Variants in ARL6IP5 observed in about 807,000 individuals in gnomAD.
ARL6IP5 encodes the protein ARF like GTPase 6 interacting protein 5.
A neutral mutation model predicts 13.0 loss-of-function variants in ARL6IP5; 6 were observed. The observed-to-expected ratio is 0.46, with a 90% CI of 0.25 to 0.91. The LOEUF is 0.91. Ranked by LOEUF, ARL6IP5 falls within the 40% of genes least tolerant of loss-of-function variation. The pLI is 0.17. For missense variants in ARL6IP5, 208 were observed against 248.8 expected, an observed-to-expected ratio of 0.84 and a Z score of 1.10; for synonymous variants, 91 against 91.9, an observed-to-expected ratio of 0.99 and a Z score of 0.06.
intron 1 of ARL6IP5, among the ~76,000 whole-genome samples, chr3:69,097,993 A>C (rs906090454): frequency 6.6e-6 from 1 of 152,160 alleles, no homozygotes; most frequent in Non-Finnish European, 1.5e-5. Flanking sequence ...GTTGGAGAGC[A>C]GCTGCTTTTA....
At position 69,102,037 on chromosome 3, in the gene ARL6IP5, C is replaced by T. The variant is rs147395046; in HGVS notation, c.375C>T (p.Gly125=). ...MFGGVMVFVF[G]ITFPLLLMFI... ...GAGGAGTCATGGTCTTTGTGTTTGG[C>T]ATTACTTTTCCTTTGCTGTGTAAGT... Residue 125 remains glycine (G), a synonymous_variant, in exon 2 of 3, where the codon GGC becomes GGT. Transcript: ENST00000273258. 1 of 1,614,122 alleles carries T rather than the reference C, an allele frequency of 6.2e-7. No individual in the cohort carries two copies. Among genetic ancestry groups the T allele is most frequent in the Non-Finnish European group, 8.5e-7 (1 of 1,179,996 alleles).
chr3:69,102,457 A>G (rs2092308682), intron 2 of ARL6IP5, among the ~76,000 whole-genome samples: 1 of 152,050 alleles, frequency 6.6e-6, no homozygotes, highest in Non-Finnish European at 1.5e-5. Flanking sequence ...CCGGGGTTTT[A>G]CTATGTTGCC....
At chr3:69,099,339 C>T (rs1322860191) in intron 1 of ARL6IP5, among the ~76,000 whole-genome samples, 1 of 152,144 alleles carries the variant, frequency 6.6e-6, no homozygotes, top group Non-Finnish European at 1.5e-5. Context: ...CCATTGTACT[C>T]CAGCCTGGGC....
intron 1 of ARL6IP5, among the ~76,000 whole-genome samples, chr3:69,099,515 T>C (rs1329566065): frequency 6.6e-6 from 1 of 152,268 alleles, no homozygotes; most frequent in Admixed American, 6.5e-5. Flanking sequence ...GAAAAGCTTT[T>C]ACTCTTAATT....
rs940279909 is a variant in ARL6IP5 at position 69,105,536 on chromosome 3, G to A, written c.*900G>A. On this transcript the variant is annotated 3_prime_UTR_variant, in exon 3 of 3. Coordinates refer to ENST00000273258, the MANE Select transcript of ARL6IP5 (RefSeq NM_006407.4). Reference sequence around the variant, plus strand: ...TGTGCATTTTATTAATTCCTTAGGGGCACAAGGAGGACAATAATAGCTGAT... The same window carrying A: ...TGTGCATTTTATTAATTCCTTAGGGACACAAGGAGGACAATAATAGCTGAT... The A allele has an allele frequency of 3.3e-5, 5 of 152,122 alleles. No individual in the cohort carries two copies. The highest frequency in any genetic ancestry group is 9.7e-5 in the African/African-American group (4 of 41,436). 9.4% of individuals were successfully genotyped at this position (152,122 alleles called of 1,614,324 possible). A position where few individuals can be genotyped will look rare whatever the true frequency, so the allele number is the denominator to read the frequency against.
chr3:69,104,799 T>G lies in ARL6IP5; in HGVS notation c.*163T>G. The G allele has an allele frequency of 1.2e-6, 1 of 832,116 alleles. No homozygotes were observed. The highest frequency in any genetic ancestry group is 2.0e-6 in the Non-Finnish European group (1 of 504,616). The allele number at this position is 832,116 out of a possible 1,614,324, so 51.5% of individuals were successfully genotyped here. ...CCGAACTATTATCAGCTCTGATGTTTCAGAGAGAAGACCTCAGAAACCGAA... is the reference window on the plus strand; with the variant it reads ...CCGAACTATTATCAGCTCTGATGTTGCAGAGAGAAGACCTCAGAAACCGAA... On this transcript the variant is annotated 3_prime_UTR_variant, in exon 3 of 3. Transcript: ENST00000273258.
Position 69,101,939 on chromosome 3 carries a change from A to G in ARL6IP5, c.277A>G (p.Met93Val), listed in dbSNP as rs575446967. 42 of 1,614,066 alleles carry G rather than the reference A, an allele frequency of 2.6e-5. No homozygotes were observed. The South Asian group carries it at 4.3e-4, about 16-fold the overall frequency. Residue 93 changes from methionine (M) to valine (V), a missense_variant, in exon 2 of 3, where the codon ATG becomes GTG. Physicochemically the swap from Met to Val is conservative, Grantham distance 21. Transcript: ENST00000273258. ...AAHNKDVLRR[M>V]KKRYPTTFVM... ...CCACAATAAAGACGTCCTTCGCCGG[A>G]TGAAGAAGCGCTACCCCACGACGTT... is the stretch of plus-strand genomic sequence containing the variant.
chr3:69,104,399 T>C (rs1470436231), intron 2 of ARL6IP5, 65 bp from the exon 3 acceptor site: 5 of 1,472,810 alleles, frequency 3.4e-6, no homozygotes, highest in African/African-American at 1.4e-5. Flanking sequence ...AGAGAGGGAG[T>C]GTAATATTGA....
At chr3:69,088,305 T>G (rs1322577539) in intron 1 of ARL6IP5, among the ~76,000 whole-genome samples, 1 of 152,220 alleles carries the variant, frequency 6.6e-6, no homozygotes, top group Non-Finnish European at 1.5e-5. Context: ...ATCTGGATCC[T>G]CCACAGACTT....
At chr3:69,096,771 G>GT (rs1285028621) in intron 1 of ARL6IP5, among the ~76,000 whole-genome samples, 1 of 151,818 alleles carries the variant, frequency 6.6e-6, no homozygotes, top group African/African-American at 2.4e-5. Context: ...GCCAGGCTTA[G>GT]TTTTGTACTT....
chr3:69,101,771 C>T, intron 1 of ARL6IP5, 68 bp from the exon 2 acceptor site: 1 of 1,339,528 alleles, frequency 7.5e-7, no homozygotes, highest in South Asian at 1.2e-5. Flanking sequence ...GTTTTTACTC[C>T]TCTTTCTCCT....
intron 2 of ARL6IP5, among the ~76,000 whole-genome samples, chr3:69,102,382 CT>C (rs1698683448): frequency 6.6e-6 from 1 of 152,184 alleles, no homozygotes; most frequent in South Asian, 2.1e-4. Flanking sequence ...ACTGCAACCT[CT>C]GCCTCCTGAA....
At chr3:69,101,780 C>T in intron 1 of ARL6IP5, 59 bp from the exon 2 acceptor site, 4 of 1,419,298 alleles carry the variant, frequency 2.8e-6, no homozygotes, top group Non-Finnish European at 3.9e-6. Flanking sequence ...CCTCTTTCTC[C>T]TTTTGCTACT....
rs1802402 is a variant in ARL6IP5 at position 69,105,006 on chromosome 3, G to A, written c.*370G>A. ...TCATTGTAAAGTATCAAGACAATAC[G>A]AGTAAATGAAAAGGCTGTTAAAGTA... On this transcript the variant is annotated 3_prime_UTR_variant, in exon 3 of 3. Coordinates refer to ENST00000273258, the MANE Select transcript of ARL6IP5 (RefSeq NM_006407.4). The A allele has an allele frequency of 3.6e-5, 23 of 637,576 alleles. No individual in the cohort carries two copies. The Admixed American group carries it at 4.8e-4, about 13-fold the overall frequency. 39.5% of individuals were successfully genotyped at this position (637,576 alleles called of 1,614,324 possible).
intron 1 of ARL6IP5, among the ~76,000 whole-genome samples, chr3:69,099,671 T>C (rs2092299584): frequency 6.6e-6 from 1 of 152,324 alleles, no homozygotes; most frequent in African/African-American, 2.4e-5. Context: ...TCAGAGAAAG[T>C]AAGCTCTTGG....
chr3:69,104,956 C>G lies in ARL6IP5; in HGVS notation c.*320C>G. Reference sequence around the variant, plus strand: ...AATTACGGCTTTTACAGCAACAATACGATTATCTTATAGGAAAAAAAAAAT... The same window carrying G: ...AATTACGGCTTTTACAGCAACAATAGGATTATCTTATAGGAAAAAAAAAAT... On this transcript the variant is annotated 3_prime_UTR_variant, in exon 3 of 3. Transcript: ENST00000273258. 1.3e-5 allele frequency: 9 copies of G among 678,436 alleles called. No individual in the cohort carries two copies. Among genetic ancestry groups the G allele is most frequent in the Middle Eastern group, 2.4e-4 (1 of 4,210 alleles). 42.0% of individuals were successfully genotyped at this position (678,436 alleles called of 1,614,324 possible).
intron 1 of ARL6IP5, among the ~76,000 whole-genome samples, chr3:69,098,158 C>CCT (rs2092293059): frequency 6.6e-6 from 1 of 151,290 alleles, no homozygotes; most frequent in South Asian, 2.1e-4. Context: ...CTCACTGCAC[C>CCT]CTCTGCCTCC....
At chr3:69,092,377 A>G (rs2092270709) in intron 1 of ARL6IP5, among the ~76,000 whole-genome samples, 1 of 152,164 alleles carries the variant, frequency 6.6e-6, no homozygotes, top group African/African-American at 2.4e-5. Flanking sequence ...GTGAGAAGGA[A>G]GTCTGTGTTA....
rs1575867267 is a variant in ARL6IP5 at position 69,105,891 on chromosome 3, C to G, written c.*1255C>G. ...GAGTGGTACTTACTGAAGAAACTCT[C>G]TGTATGTCCTAGAATAAGAAGCAAT... On this transcript the variant is annotated 3_prime_UTR_variant, in exon 3 of 3. Coordinates refer to ENST00000273258, the MANE Select transcript of ARL6IP5 (RefSeq NM_006407.4). 1 of 152,144 alleles carries G rather than the reference C, an allele frequency of 6.6e-6. No homozygotes were observed. The highest frequency in any genetic ancestry group is 1.9e-4 in the East Asian group (1 of 5,188). 9.4% of individuals were successfully genotyped at this position (152,144 alleles called of 1,614,324 possible).
Sources: allele counts gnomAD v4.1 joint callset (sites outside exome capture counted in the v4.1 genomes callset), GRCh38; gene constraint gnomAD v4.1.1; transcripts MANE v1.5; gene names NCBI Gene and HGNC (gene_info 2026-07-23, HGNC 2026-07-21).